Variants in TMCC3 observed in about 807,000 individuals in gnomAD.
TMCC3 encodes the protein transmembrane and coiled-coil domain protein 3.
TMCC3 carries 28 observed loss-of-function variants against 40.2 expected under a neutral mutation model. The ratio of observed to expected loss-of-function variants is 0.70; its 90% CI spans 0.52 to 0.95. The LOEUF is 0.95. TMCC3 is among the 40% of genes least tolerant of loss of function. TMCC3 has a pLI of 0.00. For synonymous variants in TMCC3, 255 were observed against 248.5 expected, an observed-to-expected ratio of 1.03 and a Z score of -0.25; for missense variants, 554 against 615.2, an observed-to-expected ratio of 0.90 and a Z score of 1.05.
chr12:94,607,891 T>C (rs1472250114), intron 1 of TMCC3, among the ~76,000 whole-genome samples: 1 of 152,240 alleles, frequency 6.6e-6, no homozygotes, highest in Non-Finnish European at 1.5e-5. Context: ...GATATCACCC[T>C]GAACTTGATG....
intron 1 of TMCC3, among the ~76,000 whole-genome samples, chr12:94,626,860 TG>T (rs2138872967): frequency 6.6e-6 from 1 of 152,238 alleles, no homozygotes; most frequent in South Asian, 2.1e-4. Flanking sequence ...TGTTATTGTT[TG>T]TTTGTTTGTT....
At position 94,627,145 on chromosome 12, in the gene TMCC3, C is replaced by G. The variant is rs192373145; in HGVS notation, c.78+23208G>C. ...TGCTGGGATTACAGGTGTGAGCCAC[C>G]ACACCCAGCCACACTTATGGAAACT... On this transcript the variant is annotated intron_variant, in intron 1 of 3. Transcript: ENST00000261226. 7.4e-3 allele frequency among the ~76,000 whole-genome samples: 1,122 copies of G among 152,218 alleles called. 47 individuals are homozygous for G. The highest frequency in any genetic ancestry group is 2.4e-3 in the Non-Finnish European group (161 of 68,012).
intron 3 of TMCC3, 136 bp from the exon 4 acceptor site, chr12:94,571,873 A>G: frequency 1.3e-6 from 1 of 768,526 alleles, no homozygotes; most frequent in Non-Finnish European, 2.1e-6. Context: ...CAAACCGATG[A>G]TGATGGTGAT....
intron 3 of TMCC3, among the ~76,000 whole-genome samples, chr12:94,573,328 C>T (rs2068544646): frequency 6.6e-6 from 1 of 152,202 alleles, no homozygotes; most frequent in Admixed American, 6.5e-5. Flanking sequence ...GGATCTCCTG[C>T]CTGCAATAAC....
chr12:94,590,347 C>A (rs138749825), intron 1 of TMCC3, among the ~76,000 whole-genome samples: 37 of 144,572 alleles, frequency 2.6e-4, no homozygotes, highest in African/African-American at 9.4e-4. Flanking sequence ...TTTAAGTGAT[C>A]CACTTTGTTC....
At chr12:94,572,330 A>ATTT (rs1178986394) in intron 3 of TMCC3, among the ~76,000 whole-genome samples, 1,237 of 82,858 alleles carry the variant, frequency 0.015, 154 homozygotes, top group East Asian at 0.023. Flanking sequence ...TTTTTTTTTG[A>ATTT]GACAGAGTTT....
chr12:94,570,472 A>T lies in TMCC3; in HGVS notation c.*963T>A, dbSNP rs2068520523. The T allele has an allele frequency of 6.6e-6, 1 of 152,212 alleles. No individual in the cohort carries two copies. The highest frequency in any genetic ancestry group is 2.4e-5 in the African/African-American group (1 of 41,454). The allele number at this position is 152,212 out of a possible 1,614,324, so 9.4% of individuals were successfully genotyped here. ...TTATCACAATCAAGATTTGCCAAAA[A>T]ACAGCCAGGCATGGTGGCTTGTGCC... On this transcript the variant is annotated 3_prime_UTR_variant, in exon 4 of 4. Transcript: ENST00000261226.
chr12:94,590,977 A>G (rs935848945), intron 1 of TMCC3: 24 of 562,854 alleles, frequency 4.3e-5, no homozygotes, highest in Middle Eastern at 3.5e-4. Flanking sequence ...TTTAAATATG[A>G]TCTTGGGAGA....
At chr12:94,645,249 T>C (rs1401681758) in intron 1 of TMCC3, among the ~76,000 whole-genome samples, 1 of 152,136 alleles carries the variant, frequency 6.6e-6, no homozygotes, top group Non-Finnish European at 1.5e-5. Context: ...ATATAAACAG[T>C]CAATGTCATG....
chr12:94,572,328 TGAGA>T (rs1297952499), intron 3 of TMCC3, among the ~76,000 whole-genome samples: 105 of 104,100 alleles, frequency 1.0e-3, no homozygotes, highest in Non-Finnish European at 1.4e-3. Flanking sequence ...TTTTTTTTTT[TGAGA>T]CAGAGTTTCA....
chr12:94,633,705 G>A (rs1308247686), intron 1 of TMCC3, among the ~76,000 whole-genome samples: 4 of 152,154 alleles, frequency 2.6e-5, no homozygotes, highest in Non-Finnish European at 4.4e-5. Flanking sequence ...AAAATCCACT[G>A]AGAAGTTAAT....
intron 1 of TMCC3, among the ~76,000 whole-genome samples, chr12:94,628,834 C>T (rs936684285): frequency 6.6e-6 from 1 of 152,226 alleles, no homozygotes; most frequent in Non-Finnish European, 1.5e-5. Context: ...CCGTTCTGCT[C>T]TGAAATTCTA....
intron 1 of TMCC3, among the ~76,000 whole-genome samples, chr12:94,628,390 T>A (rs2068914884): frequency 6.6e-6 from 1 of 152,210 alleles, no homozygotes; most frequent in Non-Finnish European, 1.5e-5. Flanking sequence ...GCTCCACCTA[T>A]CCACAAAAGG....
At chr12:94,620,911 T>C (rs1452084022) in intron 1 of TMCC3, among the ~76,000 whole-genome samples, 1 of 152,218 alleles carries the variant, frequency 6.6e-6, no homozygotes, top group Non-Finnish European at 1.5e-5. Flanking sequence ...TGCGTGTTTA[T>C]ACTTAAAGTC....
chr12:94,641,315 T>C (rs537601576), intron 1 of TMCC3, among the ~76,000 whole-genome samples: 2 of 152,160 alleles, frequency 1.3e-5, no homozygotes, highest in Non-Finnish European at 2.9e-5. Flanking sequence ...AAGTATAATA[T>C]TAACCAGGAA....
At chr12:94,578,359 C>A in intron 3 of TMCC3, 35 bp downstream of exon 3, 1 of 1,607,370 alleles carries the variant, frequency 6.2e-7, no homozygotes, top group Non-Finnish European at 8.5e-7. Context: ...TCGGGAAGAG[C>A]CCAGGCCTGT....
At chr12:94,575,489 G>T (rs1047565249) in intron 3 of TMCC3, among the ~76,000 whole-genome samples, 12 of 152,186 alleles carry the variant, frequency 7.9e-5, no homozygotes. Flanking sequence ...GCATAGGTGA[G>T]GAGGGCCAGG....
At chr12:94,602,075 A>G (rs1392637349) in intron 1 of TMCC3, among the ~76,000 whole-genome samples, 1 of 152,170 alleles carries the variant, frequency 6.6e-6, no homozygotes, top group Admixed American at 6.5e-5. Context: ...ATTAGAAAAA[A>G]GACAAGCCAC....
chr12:94,649,767 A>C (rs1484556777), intron 1 of TMCC3, among the ~76,000 whole-genome samples: 1 of 152,278 alleles, frequency 6.6e-6, no homozygotes, highest in Non-Finnish European at 1.5e-5. Context: ...ATTACACTGC[A>C]AACAATGGCG....
Sources: gnomAD v4.1 joint callset for allele counts (sites outside exome capture counted in the v4.1 genomes callset) on GRCh38, gnomAD v4.1.1 for gene constraint, MANE v1.5 for transcripts, NCBI Gene and HGNC (gene_info 2026-07-23, HGNC 2026-07-21) for gene names.